The following CBFB variants were observed in gnomAD, a reference collection of about 807,000 sequenced individuals.
CBFB encodes the protein core-binding factor subunit beta.
CBFB carries 9 observed loss-of-function variants against 30.4 expected under a neutral mutation model. The observed-to-expected ratio is 0.30, with a 90% CI of 0.18 to 0.52. CBFB has a LOEUF of 0.52. Among genes scored for constraint, CBFB ranks in the 20% least tolerant of loss-of-function variants. The pLI is 0.97. For synonymous variants in CBFB, 94 were observed against 84.0 expected, an observed-to-expected ratio of 1.12 and a Z score of -0.65; for missense variants, 170 against 244.0, an observed-to-expected ratio of 0.70 and a Z score of 2.02.
At chr16:67,046,518 A>C (rs1262107444) in intron 3 of CBFB, among the ~76,000 whole-genome samples, 1 of 152,158 alleles carries the variant, frequency 6.6e-6, no homozygotes, top group Non-Finnish European at 1.5e-5. Context: ...TTTCACTTGT[A>C]GTTTTTCAAT....
intron 3 of CBFB, among the ~76,000 whole-genome samples, chr16:67,045,514 CT>C (rs1181359364): frequency 6.7e-6 from 1 of 149,048 alleles, no homozygotes; most frequent in Admixed American, 6.7e-5. Flanking sequence ...AAGACTCTGT[CT>C]GAAAAAAAAA....
chr16:67,044,097 A>C (rs763166191), intron 3 of CBFB, among the ~76,000 whole-genome samples: 9 of 152,234 alleles, frequency 5.9e-5, no homozygotes, highest in Non-Finnish European at 1.3e-4. Context: ...TTTTATTTCA[A>C]ATAAATGCAA....
intron 3 of CBFB, among the ~76,000 whole-genome samples, chr16:67,059,217 T>A (rs1174938141): frequency 6.6e-6 from 1 of 152,198 alleles, no homozygotes; most frequent in African/African-American, 2.4e-5. Context: ...CTCAAAGAAC[T>A]ATTTGTACAG....
intron 4 of CBFB, among the ~76,000 whole-genome samples, chr16:67,076,566 G>A (rs2145763737): frequency 6.6e-6 from 1 of 152,240 alleles, no homozygotes; most frequent in Non-Finnish European, 1.5e-5. Flanking sequence ...GCCATAAGTA[G>A]TATTCACAAA....
At position 67,100,549 on chromosome 16, in the gene CBFB, T is replaced by A; in HGVS notation, c.*1771T>A. On this transcript the variant is annotated 3_prime_UTR_variant, in exon 6 of 6. Coordinates refer to ENST00000412916, the MANE Select transcript of CBFB (RefSeq NM_022845.3). ...ACACACTCAGTGCCCTAATTTCCCCTGAGGGAATCGCTTTTTAAGTGATCC... is the reference window on the plus strand; with the variant it reads ...ACACACTCAGTGCCCTAATTTCCCCAGAGGGAATCGCTTTTTAAGTGATCC... The A allele has an allele frequency of 4.4e-6, 1 of 227,568 alleles. No homozygotes were observed. The highest frequency in any genetic ancestry group is 8.8e-6 in the Non-Finnish European group (1 of 114,194). The allele number at this position is 227,568 out of a possible 1,614,324, so 14.1% of individuals were successfully genotyped here.
intron 3 of CBFB, among the ~76,000 whole-genome samples, chr16:67,065,015 A>G (rs1239076580): frequency 6.6e-6 from 1 of 152,106 alleles, no homozygotes; most frequent in African/African-American, 2.4e-5. Context: ...CTCTTGCCTC[A>G]GCCTCCCGAG....
At chr16:67,033,965 A>G (rs1165091496) in intron 2 of CBFB, among the ~76,000 whole-genome samples, 1 of 151,812 alleles carries the variant, frequency 6.6e-6, no homozygotes, top group African/African-American at 2.4e-5. Context: ...AGTAGCTAGG[A>G]TTACAGGCGC....
intron 4 of CBFB, among the ~76,000 whole-genome samples, chr16:67,081,259 GAGAATGATGATTTCC>G (rs1299349618): frequency 6.6e-6 from 1 of 151,500 alleles, no homozygotes. Flanking sequence ...ATAGTTTACT[GAGAATGATGATTTCC>G]AGTTTCATCC....
At chr16:67,056,225 A>C (rs1435738523) in intron 3 of CBFB, among the ~76,000 whole-genome samples, 1 of 152,222 alleles carries the variant, frequency 6.6e-6, no homozygotes, top group Non-Finnish European at 1.5e-5. Context: ...CCTTAAATGC[A>C]AGAAGGCCGT....
At chr16:67,029,916 C>A in intron 2 of CBFB, 103 bp downstream of exon 2, 2 of 669,366 alleles carry the variant, frequency 3.0e-6, no homozygotes, top group Non-Finnish European at 4.6e-6. Flanking sequence ...GCTCCCGGAA[C>A]TGAGTGGGCG....
chr16:67,082,139 A>AG, intron 4 of CBFB, 74 bp from the exon 5 acceptor site: 2 of 1,301,576 alleles, frequency 1.5e-6, no homozygotes, highest in South Asian at 3.3e-5. Context: ...GAAAAAAAAA[A>AG]AAAAAACAAA....
At chr16:67,089,765 C>T (rs1014802821) in intron 5 of CBFB, among the ~76,000 whole-genome samples, 3 of 152,120 alleles carry the variant, frequency 2.0e-5, no homozygotes, top group East Asian at 3.9e-4. Flanking sequence ...GGTTTTGCAT[C>T]CCGGCTCCAC....
At chr16:67,092,147 G>T (rs1438384983) in intron 5 of CBFB, among the ~76,000 whole-genome samples, 1 of 150,852 alleles carries the variant, frequency 6.6e-6, no homozygotes, top group Non-Finnish European at 1.5e-5. Flanking sequence ...TGTTCTAATT[G>T]TTCAACTCCC....
chr16:67,051,949 A>T (rs1960562747), intron 3 of CBFB, among the ~76,000 whole-genome samples: 1 of 151,374 alleles, frequency 6.6e-6, no homozygotes, highest in Non-Finnish European at 1.5e-5. Flanking sequence ...ACACACGCAT[A>T]CATATATATA....
At chr16:67,057,238 C>A (rs941928576) in intron 3 of CBFB, among the ~76,000 whole-genome samples, 2 of 152,148 alleles carry the variant, frequency 1.3e-5, no homozygotes, top group Non-Finnish European at 2.9e-5. Context: ...CTGCCTTGGC[C>A]TCCCAAAGCA....
At chr16:67,075,736 A>G (rs1473060606) in intron 4 of CBFB, among the ~76,000 whole-genome samples, 1 of 152,198 alleles carries the variant, frequency 6.6e-6, no homozygotes, top group Non-Finnish European at 1.5e-5. Flanking sequence ...TGAAATTTAT[A>G]AAGTGCGTGG....
chr16:67,080,705 A>G (rs748370180), intron 4 of CBFB, among the ~76,000 whole-genome samples: 1 of 152,206 alleles, frequency 6.6e-6, no homozygotes, highest in Non-Finnish European at 1.5e-5. Context: ...AGAAGTTTCC[A>G]ACATTTGTGT....
intron 5 of CBFB, among the ~76,000 whole-genome samples, chr16:67,090,705 C>T (rs1961857554): frequency 6.6e-6 from 1 of 152,138 alleles, no homozygotes; most frequent in African/African-American, 2.4e-5. Flanking sequence ...TTAAAAATGC[C>T]TACATTTGGT....
intron 3 of CBFB, among the ~76,000 whole-genome samples, chr16:67,047,913 G>A (rs770874209): frequency 3.9e-5 from 6 of 151,984 alleles, no homozygotes; most frequent in Non-Finnish European, 7.4e-5. Flanking sequence ...TACTAGGAAT[G>A]CAAAAATTGG....
Sources: allele counts gnomAD v4.1 joint callset (sites outside exome capture counted in the v4.1 genomes callset), GRCh38; gene constraint gnomAD v4.1.1; transcripts MANE v1.5; gene names NCBI Gene and HGNC (gene_info 2026-07-23, HGNC 2026-07-21).